Variants in RBM6 observed in about 807,000 individuals in gnomAD.
The protein encoded by RBM6 is RNA-binding protein 6.
RBM6 carries 23 observed loss-of-function variants against 140.4 expected under a neutral mutation model. The ratio of observed to expected loss-of-function variants is 0.16; its 90% CI spans 0.12 to 0.23. The LOEUF (loss-of-function observed/expected upper bound fraction) is 0.23, where lower values mean the gene tolerates loss of function less well. RBM6 is among the 10% of genes least tolerant of loss of function. The probability of loss-of-function intolerance (pLI) is 1.00; values close to 1 mark genes in which losing one functional copy is unlikely to be tolerated. For missense variants in RBM6, 1,139 were observed against 1,386.7 expected (o/e 0.82, Z 2.84); for synonymous variants, 439 against 475.6 (o/e 0.92, Z 1.00).
intron 6 of RBM6, among the ~76,000 whole-genome samples, chr3:50,036,567 C>T (rs2108840729): frequency 6.6e-6 from 1 of 152,222 alleles, no homozygotes; most frequent in South Asian, 2.1e-4. Flanking sequence ...ATTGTAGCAG[C>T]CATGATATTA....
intron 2 of RBM6, among the ~76,000 whole-genome samples, chr3:49,966,978 TG>T (rs1559532916): frequency 6.6e-6 from 1 of 152,168 alleles, no homozygotes; most frequent in Non-Finnish European, 1.5e-5. Flanking sequence ...ATGCTGTATC[TG>T]TAATAAAATA....
chr3:49,974,923 G>A (rs563857886), intron 4 of RBM6, among the ~76,000 whole-genome samples: 80 of 151,808 alleles, frequency 5.3e-4, no homozygotes, highest in Non-Finnish European at 9.7e-4. Context: ...CTGACCTCAG[G>A]TTATCCACCC....
intron 5 of RBM6, among the ~76,000 whole-genome samples, chr3:49,991,917 C>CTTTTA: frequency 7.5e-6 from 1 of 133,130 alleles, no homozygotes; most frequent in African/African-American, 3.2e-5. Flanking sequence ...CATCCCAGAG[C>CTTTTA]CTTTATTTTA....
Position 50,048,276 on chromosome 3 carries a change from C to T in RBM6, c.1589C>T (p.Thr530Ile), listed in dbSNP as rs2089309095. Residue 530 changes from threonine to isoleucine, a missense_variant, in exon 7 of 21, where the codon ACC becomes ATC. Thr to Ile is a moderately conservative substitution (Grantham distance 89). Around this residue, in one of 9 missense-constraint regions of RBM6, gnomAD observed 58 missense variants for 99.7 expected, o/e 0.58. Coordinates refer to ENST00000266022, the MANE Select transcript of RBM6 (RefSeq NM_005777.3). The part of the protein sequence containing the change: ...GTLMIQDKEV[T>I]LEYVSSLDFW... ...CTAATGATCCAGGACAAAGAAGTTACCCTGGAGTATGTATCAAGCCTGGAT... is the reference window on the plus strand; with the variant it reads ...CTAATGATCCAGGACAAAGAAGTTATCCTGGAGTATGTATCAAGCCTGGAT... 5 of 1,613,408 alleles carry T rather than the reference C, an allele frequency of 3.1e-6. No individual in the cohort carries two copies. The highest frequency in any genetic ancestry group is 1.1e-5 in the South Asian group (1 of 90,896).
intron 12 of RBM6, 24 bp downstream of exon 12, chr3:50,061,022 G>A: frequency 6.3e-7 from 1 of 1,596,752 alleles, no homozygotes. Context: ...GGTGGGGAGT[G>A]CTCTATTAAA....
intron 1 of RBM6, among the ~76,000 whole-genome samples, chr3:49,943,293 T>C (rs2083361763): frequency 6.6e-6 from 1 of 151,696 alleles, no homozygotes; most frequent in Non-Finnish European, 1.5e-5. Flanking sequence ...ATTATTATTA[T>C]TATTAATTAT....
At chr3:49,951,841 A>G (rs565110925) in intron 1 of RBM6, among the ~76,000 whole-genome samples, 208 of 151,122 alleles carry the variant, frequency 1.4e-3, no homozygotes, top group African/African-American at 4.9e-3. Flanking sequence ...TTCTGCCTCA[A>G]CCTCCCAAGT....
At chr3:50,068,558 A>T in intron 17 of RBM6, 132 bp from the exon 18 acceptor site, 1 of 716,998 alleles carries the variant, frequency 1.4e-6, no homozygotes, top group Non-Finnish European at 2.3e-6. Flanking sequence ...GTTGCAGGAT[A>T]CAGTGATCAT....
At chr3:49,997,018 G>A (rs1294056923) in intron 5 of RBM6, among the ~76,000 whole-genome samples, 2 of 152,038 alleles carry the variant, frequency 1.3e-5, no homozygotes, top group Non-Finnish European at 2.9e-5. Flanking sequence ...ATAGTATTGT[G>A]AATATTAAAT....
Position 49,948,909 on chromosome 3 carries a change from C to A in RBM6, c.-67+8684C>A, listed in dbSNP as rs2083612725. Among the ~76,000 whole-genome samples, 4 of 143,730 alleles carry A rather than the reference C, an allele frequency of 2.8e-5. No homozygotes were observed. In the South Asian group the frequency reaches 9.0e-4, roughly 32 times the overall value. 94.3% of individuals were successfully genotyped at this position (143,730 alleles called of 152,430 possible). A position where few individuals can be genotyped will look rare whatever the true frequency, so the allele number is the denominator to read the frequency against. ...GCTGTGGCGTGATCTTGGCTCACTG[C>A]AACCTCTGCCTCCTGGGTTCAAGCA... On this transcript the variant is annotated intron_variant, in intron 1 of 20. Coordinates refer to ENST00000266022, the MANE Select transcript of RBM6 (RefSeq NM_005777.3).
chr3:50,035,471 A>G (rs2088474404), intron 6 of RBM6, among the ~76,000 whole-genome samples: 1 of 152,050 alleles, frequency 6.6e-6, no homozygotes. Flanking sequence ...TCACGAGGTC[A>G]GAAGATCGAG....
At chr3:49,949,343 G>A (rs367793197) in intron 1 of RBM6, among the ~76,000 whole-genome samples, 2 of 150,388 alleles carry the variant, frequency 1.3e-5, no homozygotes, top group East Asian at 2.0e-4. Context: ...GAAACTTAAC[G>A]GAAGTACATT....
rs1436838395 is a variant in RBM6 at position 49,968,305 on chromosome 3, G to T, written c.880G>T (p.Asp294Tyr). ...GCCCCCTGTGGATCCAAATATTTTGGATTACATTCAGCCCTCTACACAAGA... is the reference window on the plus strand; with the variant it reads ...GCCCCCTGTGGATCCAAATATTTTGTATTACATTCAGCCCTCTACACAAGA... Reference protein sequence around the residue: ...EMPPVDPNILDYIQPSTQDRE... With the variant: ...EMPPVDPNILYYIQPSTQDRE... The change falls in exon 3 of 21, where the codon GAT becomes TAT. Residue 294 changes from aspartate (D) to tyrosine (Y), a missense_variant. Physicochemically the swap from Asp to Tyr is radical, Grantham distance 160. Transcript: ENST00000266022. 5.6e-6 allele frequency: 9 copies of T among 1,614,000 alleles called. No individual in the cohort carries two copies. Among genetic ancestry groups the T allele is most frequent in the Non-Finnish European group, 6.8e-6 (8 of 1,180,042 alleles).
In RBM6 at chr3:49,955,036, G is replaced by A. The variant is rs2083909177; in HGVS notation, c.-66-7540G>A. Among the ~76,000 whole-genome samples the A allele has an allele frequency of 2.0e-5, 3 of 152,140 alleles. No homozygotes were observed. The South Asian group carries it at 6.2e-4, about 32-fold the overall frequency. On this transcript the variant is annotated intron_variant, in intron 1 of 20. Coordinates refer to ENST00000266022, the MANE Select transcript of RBM6 (RefSeq NM_005777.3). ...GGCCTCCCAAAGTGCTGGGATTACA[G>A]GCGTGAGCCACCGCACCCGGCCTTG... is the stretch of plus-strand genomic sequence containing the variant.
At chr3:50,003,420 T>C (rs1031826074) in intron 6 of RBM6, among the ~76,000 whole-genome samples, 1 of 152,050 alleles carries the variant, frequency 6.6e-6, no homozygotes, top group African/African-American at 2.4e-5. Context: ...CAACTCTTAG[T>C]AGAGCCTGAG....
At chr3:50,057,252 C>T (rs2089738512) in intron 8 of RBM6, among the ~76,000 whole-genome samples, 1 of 152,142 alleles carries the variant, frequency 6.6e-6, no homozygotes, top group Admixed American at 6.6e-5. Flanking sequence ...TTGTCAGGAA[C>T]TGTCAGAGGA....
rs35467618 is a variant in RBM6 at position 50,060,753 on chromosome 3, CAAAAAAAA to C, written c.2229-187_2229-180del. 3.6e-3 allele frequency: 445 copies of C among 124,868 alleles called. 1 individual carries two copies. The highest frequency in any genetic ancestry group is 0.026 in the African/African-American group (389 of 14,878). 7.7% of individuals were successfully genotyped at this position (124,868 alleles called of 1,614,324 possible). On this transcript the variant is annotated intron_variant, in intron 11 of 20. Transcript: ENST00000266022. ...TGGGCGACAGAGCAAGACTCCGTCT[CAAAAAAAA>C]AAAAAAAAAAAAAAAGAGTCTTACT... is the stretch of plus-strand genomic sequence containing the variant.
At chr3:50,045,991 G>A (rs2089199334) in intron 6 of RBM6, among the ~76,000 whole-genome samples, 1 of 152,008 alleles carries the variant, frequency 6.6e-6, no homozygotes, top group Non-Finnish European at 1.5e-5. Flanking sequence ...CTTAGAAGGG[G>A]TTCATCTTAG....
At position 50,048,231 on chromosome 3, in the gene RBM6, C is replaced by A. The variant is rs933739824; in HGVS notation, c.1558-14C>A. ...AAGGGTTGATGTTGATGGCTTCTGT[C>A]TTTGTCTTTACAGGGAACTCTAATG... On this transcript the variant is annotated splice_polypyrimidine_tract_variant and intron_variant, in intron 6 of 20. Transcript: ENST00000266022. 1.1e-5 allele frequency: 17 copies of A among 1,611,830 alleles called. No individual in the cohort carries two copies. Among genetic ancestry groups the A allele is most frequent in the Non-Finnish European group, 1.4e-5 (17 of 1,179,036 alleles).
Sources: allele counts gnomAD v4.1 joint callset (sites outside exome capture counted in the v4.1 genomes callset), GRCh38; gene constraint gnomAD v4.1.1; regional missense constraint gnomAD v4.1.1; transcripts MANE v1.5; gene names NCBI Gene and HGNC (gene_info 2026-07-23, HGNC 2026-07-21).